The following STPG2 variants were observed in gnomAD, a reference collection of about 807,000 sequenced individuals.
STPG2 encodes sperm-tail PG-rich repeat-containing protein 2.
STPG2 carries 56 observed loss-of-function variants against 54.2 expected under a neutral mutation model. That is an observed-to-expected ratio of 1.03 (90% CI 0.83 to 1.29). STPG2 has a LOEUF of 1.29. Among genes scored for constraint, STPG2 ranks in the 50% most tolerant of loss-of-function variants. The probability of loss-of-function intolerance (pLI) is 0.00; values close to 1 mark genes in which losing one functional copy is unlikely to be tolerated. For synonymous variants in STPG2, 200 were observed against 181.8 expected, an observed-to-expected ratio of 1.10 and a Z score of -0.81; for missense variants, 596 against 544.9, an observed-to-expected ratio of 1.09 and a Z score of -0.93.
At chr4:97,857,186 C>T (rs1356529990) in intron 8 of STPG2, among the ~76,000 whole-genome samples, 2 of 151,984 alleles carry the variant, frequency 1.3e-5, no homozygotes, top group Non-Finnish European at 2.9e-5. Context: ...ATGAGTTAGA[C>T]AGGAGTCTCT....
chr4:97,685,552 A>G (rs1449364284), intron 10 of STPG2, among the ~76,000 whole-genome samples: 1 of 152,154 alleles, frequency 6.6e-6, no homozygotes, highest in African/African-American at 2.4e-5. Context: ...GAAGGGATGC[A>G]GGCATGAATA....
intron 7 of STPG2, among the ~76,000 whole-genome samples, chr4:97,967,185 CAAAAA>C (rs58042990): frequency 2.8e-5 from 3 of 107,180 alleles, no homozygotes; most frequent in African/African-American, 7.3e-5. Flanking sequence ...AAATGGTAAG[CAAAAA>C]AAAAAAAAAA....
chr4:97,783,323 A>G (rs1339720348), intron 9 of STPG2, among the ~76,000 whole-genome samples: 1 of 152,228 alleles, frequency 6.6e-6, no homozygotes, highest in East Asian at 1.9e-4. Context: ...CACATGAAAA[A>G]ATGTTCATCA....
intron 10 of STPG2, among the ~76,000 whole-genome samples, chr4:97,564,447 T>C (rs1428330967): frequency 1.3e-5 from 2 of 152,096 alleles, no homozygotes; most frequent in Non-Finnish European, 1.5e-5. Flanking sequence ...AAAGTTAATA[T>C]TGTTATGTGT....
At chr4:97,666,849 C>T (rs1209301796) in intron 10 of STPG2, among the ~76,000 whole-genome samples, 1 of 152,110 alleles carries the variant, frequency 6.6e-6, no homozygotes, top group Non-Finnish European at 1.5e-5. Flanking sequence ...TTCCAAAGAC[C>T]TGAACTATGT....
At chr4:97,561,275 T>C (rs1732232665) in intron 10 of STPG2, among the ~76,000 whole-genome samples, 12 of 152,200 alleles carry the variant, frequency 7.9e-5, no homozygotes, top group Admixed American at 7.8e-4. Context: ...GTTCATGTCC[T>C]TTGCCCACTT....
At chr4:97,887,905 C>T (rs1730637702) in intron 8 of STPG2, among the ~76,000 whole-genome samples, 1 of 152,178 alleles carries the variant, frequency 6.6e-6, no homozygotes, top group Non-Finnish European at 1.5e-5. Flanking sequence ...CTGCTCCCTG[C>T]ATCCCAGCCA....
chr4:97,996,284 G>T (rs1212488225), intron 5 of STPG2, among the ~76,000 whole-genome samples: 1 of 151,682 alleles, frequency 6.6e-6, no homozygotes, highest in East Asian at 1.9e-4. Context: ...CAGAAAGAAT[G>T]CTACACACCT....
intron 4 of STPG2, among the ~76,000 whole-genome samples, chr4:97,453,675 A>T (rs964415393): frequency 6.6e-6 from 1 of 152,204 alleles, no homozygotes. Flanking sequence ...TCCAAGAAAA[A>T]ATATTGACTT....
intron 3 of STPG2, among the ~76,000 whole-genome samples, chr4:98,113,950 G>T (rs1739433405): frequency 6.6e-6 from 1 of 152,120 alleles, no homozygotes; most frequent in Non-Finnish European, 1.5e-5. Flanking sequence ...TTAGCAGAAT[G>T]ACTTACAAAA....
chr4:98,024,308 G>C (rs558673898), intron 5 of STPG2, among the ~76,000 whole-genome samples: 1 of 152,288 alleles, frequency 6.6e-6, no homozygotes, highest in South Asian at 2.1e-4. Flanking sequence ...CATTCCTCTT[G>C]TCTAGTAGTT....
At chr4:97,510,688 G>C (rs1486296939) in intron 4 of STPG2, among the ~76,000 whole-genome samples, 1 of 152,068 alleles carries the variant, frequency 6.6e-6, no homozygotes, top group Non-Finnish European at 1.5e-5. Context: ...CTCACAAGGA[G>C]CACACAACCT....
chr4:98,099,431 T>C (rs1031332273), intron 5 of STPG2, among the ~76,000 whole-genome samples: 1 of 152,098 alleles, frequency 6.6e-6, no homozygotes, highest in African/African-American at 2.4e-5. Context: ...TGAACTCACA[T>C]AGATAGATCA....
intron 5 of STPG2, among the ~76,000 whole-genome samples, chr4:98,008,741 C>T (rs887750351): frequency 1.3e-5 from 2 of 151,762 alleles, no homozygotes; most frequent in Admixed American, 1.3e-4. Flanking sequence ...TCAATTTTAA[C>T]CTTGAATATA....
intron 2 of STPG2, among the ~76,000 whole-genome samples, chr4:98,131,603 TTA>T (rs1739999550): frequency 1.3e-5 from 2 of 152,106 alleles, no homozygotes; most frequent in African/African-American, 4.8e-5. Context: ...CATGAAAAAG[TTA>T]TGACAAGAGA....
chr4:97,996,620 A>G (rs181189303), intron 5 of STPG2, among the ~76,000 whole-genome samples: 2,306 of 152,368 alleles, frequency 0.015, 54 homozygotes, highest in African/African-American at 0.053. Context: ...AAAAGAAACT[A>G]TTAACAGAGT....
At chr4:97,679,088 G>A (rs1484635488) in intron 10 of STPG2, among the ~76,000 whole-genome samples, 1 of 152,016 alleles carries the variant, frequency 6.6e-6, no homozygotes, top group Non-Finnish European at 1.5e-5. Flanking sequence ...ATAAACATAC[G>A]TGTGCATGTG....
intron 5 of STPG2, among the ~76,000 whole-genome samples, chr4:98,058,133 A>G (rs956145169): frequency 6.6e-6 from 1 of 152,196 alleles, no homozygotes; most frequent in Non-Finnish European, 1.5e-5. Flanking sequence ...GACCAGTGAC[A>G]CTCTGAAGTA....
intron 8 of STPG2, among the ~76,000 whole-genome samples, chr4:97,875,852 C>A: frequency 6.6e-6 from 1 of 151,814 alleles, no homozygotes; most frequent in East Asian, 1.9e-4. Flanking sequence ...TCTTTCATTT[C>A]ACAATCATAA....
Sources: gnomAD v4.1 joint callset for allele counts (sites outside exome capture counted in the v4.1 genomes callset) on GRCh38, gnomAD v4.1.1 for gene constraint, MANE v1.5 for transcripts, NCBI Gene and HGNC (gene_info 2026-07-23, HGNC 2026-07-21) for gene names.